PICALM: variants seen among roughly 807,000 people sequenced by gnomAD.
PICALM encodes the protein phosphatidylinositol binding clathrin assembly protein, also known as phosphatidylinositol-binding clathrin assembly protein.
A neutral mutation model predicts 80.5 loss-of-function variants in PICALM; 40 were observed. The ratio of observed to expected loss-of-function variants is 0.50; its 90% CI spans 0.39 to 0.65. The LOEUF (loss-of-function observed/expected upper bound fraction) is 0.65, where lower values mean the gene tolerates loss of function less well. Ranked by LOEUF, PICALM falls within the 30% of genes least tolerant of loss-of-function variation. The pLI is 0.00. For missense variants in PICALM, 676 were observed against 778.9 expected (o/e 0.87, Z 1.57); for synonymous variants, 288 against 260.3 (o/e 1.11, Z -1.02).
intron 17 of PICALM, 111 bp from the exon 18 acceptor site, chr11:85,976,793 G>C (rs1160277059): frequency 4.5e-6 from 3 of 664,658 alleles, no homozygotes; most frequent in East Asian, 2.7e-5. Flanking sequence ...AGACAGCTGT[G>C]AGTAAGTGAC....
At chr11:86,000,616 A>C (rs2095114191) in intron 11 of PICALM, 27 bp downstream of exon 11, 1 of 1,588,540 alleles carries the variant, frequency 6.3e-7, no homozygotes, top group Middle Eastern at 2.3e-4. Context: ...CTACATATTC[A>C]AAGGTAACCT....
At chr11:86,038,507 G>A (rs575930719) in intron 1 of PICALM, among the ~76,000 whole-genome samples, 8 of 152,096 alleles carry the variant, frequency 5.3e-5, no homozygotes, top group Non-Finnish European at 1.0e-4. Flanking sequence ...TCCTGGCCGG[G>A]CACGGTGGCT....
chr11:86,061,717 C>T (rs2137703780), intron 1 of PICALM, among the ~76,000 whole-genome samples: 1 of 152,256 alleles, frequency 6.6e-6, no homozygotes, highest in East Asian at 1.9e-4. Flanking sequence ...TAAAGGTATT[C>T]TTACCATATG....
At position 85,969,153 on chromosome 11, in the gene PICALM, A is replaced by T. The variant is rs1366498886; in HGVS notation, c.1944+5555T>A. On this transcript the variant is annotated intron_variant, in intron 19 of 19. Coordinates refer to ENST00000393346, the MANE Select transcript of PICALM (RefSeq NM_007166.4). ...GCTGCTTCCTCATAAACAAGCACTA[A>T]TGCAGTGCTTAGAGTAACCTAGATA... 4.6e-5 allele frequency among the ~76,000 whole-genome samples: 7 copies of T among 152,224 alleles called. No individual in the cohort carries two copies. The East Asian group carries it at 1.3e-3, about 29-fold the overall frequency.
intron 4 of PICALM, among the ~76,000 whole-genome samples, chr11:86,019,059 G>T (rs1565434209): frequency 6.6e-6 from 1 of 151,970 alleles, no homozygotes; most frequent in Admixed American, 6.6e-5. Context: ...GAAAAGGTTA[G>T]ACACACTAAA....
intron 1 of PICALM, among the ~76,000 whole-genome samples, chr11:86,061,222 G>T (rs1038235017): frequency 1.3e-5 from 2 of 151,024 alleles, no homozygotes; most frequent in African/African-American, 2.4e-5. Context: ...CCAGCTACTT[G>T]CGAGGCTGAG....
intron 18 of PICALM, 60 bp from the exon 19 acceptor site, chr11:85,974,872 A>G (rs1210114163): frequency 3.5e-6 from 4 of 1,150,592 alleles, no homozygotes; most frequent in South Asian, 1.2e-5. Context: ...GTGACTAAGT[A>G]AATAACAATG....
At chr11:86,056,147 A>AAAAAAAAG (rs1366486682) in intron 1 of PICALM, among the ~76,000 whole-genome samples, 5 of 148,790 alleles carry the variant, frequency 3.4e-5, no homozygotes, top group African/African-American at 5.0e-5. Context: ...AAAAAAAAAA[A>AAAAAAAAG]AAAGAAAAAA....
At chr11:86,044,382 T>G (rs1213494266) in intron 1 of PICALM, among the ~76,000 whole-genome samples, 2 of 152,186 alleles carry the variant, frequency 1.3e-5, no homozygotes, top group African/African-American at 4.8e-5. Flanking sequence ...TCCCATTCAT[T>G]CTATATCTCA....
intron 19 of PICALM, among the ~76,000 whole-genome samples, chr11:85,971,743 A>AC (rs1479776106): frequency 2.0e-5 from 3 of 151,760 alleles, no homozygotes; most frequent in Non-Finnish European, 4.4e-5. Context: ...CTCAAAAAAA[A>AC]AAAACAAAAC....
At chr11:86,031,335 G>C in intron 2 of PICALM, 134 bp downstream of exon 2, 1 of 613,350 alleles carries the variant, frequency 1.6e-6, no homozygotes, top group Non-Finnish European at 2.7e-6. Context: ...TCAAATTACA[G>C]GGTCTATAAT....
chr11:85,971,004 G>C (rs1000372545), intron 19 of PICALM, among the ~76,000 whole-genome samples: 1 of 151,892 alleles, frequency 6.6e-6, no homozygotes, highest in Non-Finnish European at 1.5e-5. Context: ...GAGAAGGGTG[G>C]GTCTAATTAT....
intron 4 of PICALM, among the ~76,000 whole-genome samples, chr11:86,021,968 G>A (rs542627816): frequency 6.6e-6 from 1 of 152,250 alleles, no homozygotes; most frequent in African/African-American, 2.4e-5. Flanking sequence ...GAATAGACAA[G>A]CCCAGAGACA....
intron 4 of PICALM, among the ~76,000 whole-genome samples, chr11:86,021,647 A>C (rs1949221): frequency 4.6e-5 from 7 of 151,940 alleles, no homozygotes; most frequent in Non-Finnish European, 8.8e-5. Flanking sequence ...AATGACAAAC[A>C]TAAGAGTTAC....
At chr11:86,061,896 G>A (rs539372587) in intron 1 of PICALM, among the ~76,000 whole-genome samples, 2 of 151,942 alleles carry the variant, frequency 1.3e-5, no homozygotes, top group South Asian at 4.2e-4. Context: ...ATAAACCCGG[G>A]TATATCCAGA....
At chr11:86,062,829 G>A (rs1229829615) in intron 1 of PICALM, among the ~76,000 whole-genome samples, 1 of 152,146 alleles carries the variant, frequency 6.6e-6, no homozygotes, top group African/African-American at 2.4e-5. Context: ...ATTCTCTAGA[G>A]AAACGTATAA....
At chr11:86,024,686 T>C (rs2095622349) in intron 3 of PICALM, among the ~76,000 whole-genome samples, 1 of 152,190 alleles carries the variant, frequency 6.6e-6, no homozygotes, top group African/African-American at 2.4e-5. Context: ...CTGAACAGCT[T>C]CTTGAGGGCT....
rs186044488 is a variant in PICALM, at chr11:86,047,936, C to T, written c.131-16325G>A. 1.2e-3 allele frequency among the ~76,000 whole-genome samples: 183 copies of T among 152,022 alleles called. 1 individual carries two copies. The highest frequency in any genetic ancestry group is 0.012 in the Admixed American group (180 of 15,254). The stretch of plus-strand genomic sequence containing the variant: ...CCAACATGGTGAAACCTCGTCTCTA[C>T]TAAAAATATAAAAAATTAGCCGGGC... On this transcript the variant is annotated intron_variant, in intron 1 of 19. Transcript: ENST00000393346.
intron 1 of PICALM, among the ~76,000 whole-genome samples, chr11:86,061,467 C>G (rs545497846): frequency 4.6e-5 from 7 of 151,294 alleles, no homozygotes; most frequent in African/African-American, 1.7e-4. Flanking sequence ...ATGACCTTAA[C>G]GGACACCTCA....
Sources: gnomAD v4.1 joint callset for allele counts (sites outside exome capture counted in the v4.1 genomes callset) on GRCh38, gnomAD v4.1.1 for gene constraint, MANE v1.5 for transcripts, NCBI Gene and HGNC (gene_info 2026-07-23, HGNC 2026-07-21) for gene names.